The following CEACAM18 variants were observed in gnomAD, a reference collection of about 807,000 sequenced individuals.
The protein encoded by CEACAM18 is cell adhesion molecule CEACAM18.
In CEACAM18, 33 loss-of-function variants were observed where a neutral mutation model predicts 34.3. The ratio of observed to expected loss-of-function variants is 0.96; its 90% CI spans 0.73 to 1.29. The LOEUF (loss-of-function observed/expected upper bound fraction) is 1.29, where lower values mean the gene tolerates loss of function less well. Ranked by LOEUF, CEACAM18 falls within the 50% of genes most tolerant of loss-of-function variation. The pLI, the probability that CEACAM18 is intolerant of heterozygous loss-of-function variation, is 0.00. For synonymous variants in CEACAM18, 169 were observed against 180.9 expected (o/e 0.93, Z 0.53); for missense variants, 474 against 485.0 (o/e 0.98, Z 0.21).
At chr19:51,482,976 G>A in intron 3 of CEACAM18, 41 bp from the exon 4 acceptor site, 15 of 1,601,344 alleles carry the variant, frequency 9.4e-6, no homozygotes, top group Non-Finnish European at 1.3e-5. Flanking sequence ...GACGCCGAGG[G>A]GTCAGAAACA....
chr19:51,482,176 T>C (rs1989928601), intron 3 of CEACAM18, among the ~76,000 whole-genome samples: 1 of 152,200 alleles, frequency 6.6e-6, no homozygotes, highest in Non-Finnish European at 1.5e-5. Flanking sequence ...TTCTTTTTTT[T>C]TTATAGCCTT....
exon 2 of CEACAM18, chr19:51,480,468 G>C: frequency 6.2e-7 from 1 of 1,613,804 alleles, no homozygotes; most frequent in Non-Finnish European, 8.5e-7. Context: ...AGCTGGTACT[G>C]GGGTGCAAAC....
chr19:51,487,731 C>T (rs1006507902), intron 5 of CEACAM18, among the ~76,000 whole-genome samples: 6 of 151,916 alleles, frequency 3.9e-5, no homozygotes, highest in African/African-American at 9.7e-5. Context: ...TGCAGTGAGT[C>T]GAGATCACAC....
At position 51,485,024 on chromosome 19, in the gene CEACAM18, A is replaced by G. The variant is rs979643411; in HGVS notation, c.991A>G (p.Arg331Gly). 3.9e-6 allele frequency: 6 copies of G among 1,535,950 alleles called. No individual in the cohort carries two copies. In the African/African-American group the frequency reaches 4.1e-5, roughly 11 times the overall value. ...TTGTCCACAGAGATTTCTCCATCTCAGGATCCATGGTGATGTTCCTCATCA... is the reference window on the plus strand; with the variant it reads ...TTGTCCACAGAGATTTCTCCATCTCGGGATCCATGGTGATGTTCCTCATCA... The change falls in exon 5 of 6, where the codon AGG (arginine) becomes GGG (glycine). Residue 331 changes from arginine (R) to glycine (G), a missense_variant. Transcript: ENST00000396477.
intron 5 of CEACAM18, among the ~76,000 whole-genome samples, chr19:51,489,093 C>T (rs1201694348): frequency 1.3e-5 from 2 of 150,402 alleles, no homozygotes; most frequent in Admixed American, 1.3e-4. Context: ...TCCTTGTGTT[C>T]AAAGTCATTG....
chr19:51,481,078 A>G (rs1989906611), intron 2 of CEACAM18, among the ~76,000 whole-genome samples: 1 of 152,220 alleles, frequency 6.6e-6, no homozygotes, highest in Admixed American at 6.5e-5. Context: ...CCTCTCACTC[A>G]GAACCTCTCG....
At chr19:51,487,563 G>A (rs368901024) in intron 5 of CEACAM18, among the ~76,000 whole-genome samples, 3 of 151,604 alleles carry the variant, frequency 2.0e-5, no homozygotes, top group African/African-American at 4.9e-5. Context: ...TCGGGAGTTC[G>A]AGACCAGCCT....
At chr19:51,486,862 C>T (rs1249410374) in intron 5 of CEACAM18, among the ~76,000 whole-genome samples, 23 of 151,046 alleles carry the variant, frequency 1.5e-4, no homozygotes, top group Non-Finnish European at 3.0e-4. Flanking sequence ...GGACTACAGG[C>T]GCCCGCCACC....
At chr19:51,483,879 T>A (rs1413253521) in intron 4 of CEACAM18, among the ~76,000 whole-genome samples, 5 of 152,156 alleles carry the variant, frequency 3.3e-5, no homozygotes. Context: ...GGGGAAAGCA[T>A]CTTCTTAGCA....
intron 3 of CEACAM18, 48 bp downstream of exon 3, chr19:51,481,713 C>A (rs373684843): frequency 3.2e-4 from 505 of 1,564,512 alleles, no homozygotes; most frequent in Non-Finnish European, 3.8e-4. Flanking sequence ...GGTCTCAGGG[C>A]TTTCTAGGGA....
intron 3 of CEACAM18, 68 bp downstream of exon 3, chr19:51,481,733 G>C (rs1339019385): frequency 3.3e-6 from 5 of 1,501,606 alleles, no homozygotes; most frequent in Non-Finnish European, 4.5e-6. Context: ...ATAGGAATAT[G>C]TTAGGACAGG....
exon 5 of CEACAM18, chr19:51,485,081 T>C (rs750380646): frequency 6.5e-7 from 1 of 1,534,570 alleles, no homozygotes; most frequent in South Asian, 1.2e-5. Flanking sequence ...TTTACATCTG[T>C]GGAGTCCTGA....
chr19:51,486,481 G>A (rs1156338979), intron 5 of CEACAM18, among the ~76,000 whole-genome samples: 1 of 151,938 alleles, frequency 6.6e-6, no homozygotes, highest in African/African-American at 2.4e-5. Context: ...CCAAGGTCAG[G>A]GACCGCATCT....
intron 3 of CEACAM18, among the ~76,000 whole-genome samples, chr19:51,482,453 C>A (rs1251621036): frequency 6.6e-6 from 1 of 152,190 alleles, no homozygotes; most frequent in African/African-American, 2.4e-5. Context: ...GGCACCCATC[C>A]TGTGGAAGGT....
At chr19:51,486,019 TAATGGTACC>T (rs1450859344) in intron 5 of CEACAM18, among the ~76,000 whole-genome samples, 1 of 152,242 alleles carries the variant, frequency 6.6e-6, no homozygotes, top group South Asian at 2.1e-4. Context: ...ATGATGGAGA[TAATGGTACC>T]AATGGTGATG....
At chr19:51,478,748 A>G in intron 1 of CEACAM18, 54 bp downstream of exon 1, 1 of 1,271,366 alleles carries the variant, frequency 7.9e-7, no homozygotes, top group Non-Finnish European at 1.0e-6. Flanking sequence ...AAGGGCAGCT[A>G]GGAGCAAAGC....
At chr19:51,481,859 C>T (rs1415656827) in intron 3 of CEACAM18, among the ~76,000 whole-genome samples, 194 bp downstream of exon 3, 1 of 152,180 alleles carries the variant, frequency 6.6e-6, no homozygotes, top group East Asian at 1.9e-4. Flanking sequence ...TACTCAGAAA[C>T]GTGGTACACT....
intron 4 of CEACAM18, among the ~76,000 whole-genome samples, chr19:51,483,852 G>C (rs1373404171): frequency 6.6e-6 from 1 of 152,182 alleles, no homozygotes; most frequent in Non-Finnish European, 1.5e-5. Context: ...ACTTGGCTTG[G>C]GAGTGAATTT....
Position 51,478,700 on chromosome 19 carries a change from A to AGATGCTG in CEACAM18, c.52+18_52+24dup, listed in dbSNP as rs778237785. The stretch of plus-strand genomic sequence containing the variant: ...GAGGAGGGTCTTCCTCATGGGTAAG[A>AGATGCTG]GATGCTGGATGCTGGATGAGCTTCC... On this transcript the variant is annotated splice_region_variant and intron_variant, in intron 1 of 5. Coordinates refer to ENST00000396477, the Ensembl canonical transcript of CEACAM18. The AGATGCTG allele has an allele frequency of 9.0e-6, 13 of 1,444,026 alleles. No individual in the cohort carries two copies. Among genetic ancestry groups the AGATGCTG allele is most frequent in the Admixed American group, 2.5e-5 (1 of 39,476 alleles). The allele number at this position is 1,444,026 out of a possible 1,614,324, so 89.5% of individuals were successfully genotyped here.
Sources: allele counts gnomAD v4.1 joint callset (sites outside exome capture counted in the v4.1 genomes callset), GRCh38; gene constraint gnomAD v4.1.1; transcripts MANE v1.5; gene names NCBI Gene and HGNC (gene_info 2026-07-23, HGNC 2026-07-21).